Variants in KITLG observed in about 807,000 individuals in gnomAD.
The protein encoded by KITLG is KIT ligand, also known as c-Kit ligand.
A neutral mutation model predicts 34.1 loss-of-function variants in KITLG; 13 were observed. That is an observed-to-expected ratio of 0.38 (90% CI 0.25 to 0.61). The LOEUF (loss-of-function observed/expected upper bound fraction) is 0.61, where lower values mean the gene tolerates loss of function less well. Ranked by LOEUF, KITLG falls within the 20% of genes least tolerant of loss-of-function variation. The pLI is 0.60. For missense variants in KITLG, 292 were observed against 318.9 expected (o/e 0.92, Z 0.64); for synonymous variants, 110 against 104.0 (o/e 1.06, Z -0.35).
chr12:88,571,041 G>A (rs538720779), intron 1 of KITLG, among the ~76,000 whole-genome samples: 10 of 152,290 alleles, frequency 6.6e-5, no homozygotes, highest in Admixed American at 1.3e-4. Context: ...GTTTATGAGT[G>A]TCAAATAAGA....
In KITLG at chr12:88,506,199, A is replaced by T. The variant is rs578150773; in HGVS notation, c.782+112T>A. On this transcript the variant is annotated intron_variant, in intron 8 of 9. Transcript: ENST00000644744. ...TGGATAGAGTTGGGACTCACTGGTT[A>T]GGAGCTACTGTCATGAGTGAAGGAC... 7 of 772,570 alleles carry T rather than the reference A, an allele frequency of 9.1e-6. No individual in the cohort carries two copies. In the East Asian group the frequency reaches 1.7e-4, roughly 19 times the overall value. 47.9% of individuals were successfully genotyped at this position (772,570 alleles called of 1,614,324 possible). A position where few individuals can be genotyped will look rare whatever the true frequency, so the allele number is the denominator to read the frequency against.
Position 88,545,856 on chromosome 12 carries a change from G to A in KITLG, c.25C>T (p.Leu9Phe), listed in dbSNP as rs772482728. 8 of 1,602,770 alleles carry A rather than the reference G, an allele frequency of 5.0e-6. No individual in the cohort carries two copies. Among genetic ancestry groups the A allele is most frequent in the Non-Finnish European group, 6.8e-6 (8 of 1,169,936 alleles). The stretch of plus-strand genomic sequence containing the variant: ...AGCAGCTGAAGATAAATGCAAGTGA[G>A]AATCCAAGTCTAAATGAAAACAGAA... MKKTQTWI[L>F]TCIYLQLLLF... Residue 9 changes from leucine (L) to phenylalanine (F), a missense_variant, in exon 2 of 10, where the codon CTC becomes TTC. By Grantham distance (22) the Leu-to-Phe change is conservative. Around this residue, in one of 2 missense-constraint regions of KITLG, gnomAD observed 152 missense variants for 207.9 expected, o/e 0.73. Transcript: ENST00000644744.
intron 2 of KITLG, chr12:88,534,826 C>T: frequency 2.7e-6 from 1 of 371,258 alleles, no homozygotes; most frequent in Non-Finnish European, 5.2e-6. Flanking sequence ...AATCTTCATC[C>T]TCATCTTTGA....
At chr12:88,511,201 T>C (rs1228729944) in intron 6 of KITLG, among the ~76,000 whole-genome samples, 1 of 152,262 alleles carries the variant, frequency 6.6e-6, no homozygotes, top group East Asian at 1.9e-4. Context: ...CTTTTAAAAT[T>C]AGTAGGAAAG....
intron 1 of KITLG, among the ~76,000 whole-genome samples, chr12:88,576,400 A>G (rs1232783814): frequency 6.6e-6 from 1 of 152,176 alleles, no homozygotes; most frequent in Non-Finnish European, 1.5e-5. Flanking sequence ...TTTACCTGCA[A>G]TAAGTCAGTT....
At chr12:88,516,296 T>C (rs755454328) in intron 5 of KITLG, 38 bp downstream of exon 5, 2 of 1,579,086 alleles carry the variant, frequency 1.3e-6, no homozygotes, top group East Asian at 2.2e-5. Flanking sequence ...TTTAAGTTTG[T>C]TGTTTACATT....
intron 1 of KITLG, among the ~76,000 whole-genome samples, chr12:88,551,456 C>T (rs531959638): frequency 8.5e-5 from 13 of 152,306 alleles, no homozygotes; most frequent in African/African-American, 2.6e-4. Context: ...CTTTGCTTTT[C>T]TGTGACGGTT....
At chr12:88,571,273 C>A (rs907295801) in intron 1 of KITLG, among the ~76,000 whole-genome samples, 2 of 152,162 alleles carry the variant, frequency 1.3e-5, no homozygotes, top group Non-Finnish European at 2.9e-5. Flanking sequence ...GTTAGACAGT[C>A]TATCTCTTTT....
At position 88,493,300 on chromosome 12, in the gene KITLG, T is replaced by C. The variant is rs536484532; in HGVS notation, c.*3919A>G. On this transcript the variant is annotated 3_prime_UTR_variant, in exon 10 of 10. Transcript: ENST00000644744. ...AGGATGTAGTTGGAGATGGCAGTTA[T>C]AAATAAATTTACAATGCTTAGTAAA... 2.5e-4 allele frequency: 38 copies of C among 152,494 alleles called. No individual in the cohort carries two copies. The South Asian group carries it at 7.2e-3, about 29-fold the overall frequency. 9.4% of individuals were successfully genotyped at this position (152,494 alleles called of 1,614,324 possible). A position where few individuals can be genotyped will look rare whatever the true frequency, so the allele number is the denominator to read the frequency against.
chr12:88,567,628 C>G (rs1057097881), intron 1 of KITLG, among the ~76,000 whole-genome samples: 1 of 152,148 alleles, frequency 6.6e-6, no homozygotes, highest in Admixed American at 6.5e-5. Context: ...ACTGTTGATT[C>G]TATAAAGTTA....
chr12:88,526,229 A>G (rs1373282561), intron 3 of KITLG, among the ~76,000 whole-genome samples: 2 of 152,186 alleles, frequency 1.3e-5, no homozygotes, highest in African/African-American at 4.8e-5. Flanking sequence ...AACTCAATTA[A>G]AGCAGTAGAA....
chr12:88,513,425 C>A (rs1277183513), intron 6 of KITLG, among the ~76,000 whole-genome samples: 1 of 151,616 alleles, frequency 6.6e-6, no homozygotes, highest in Admixed American at 6.6e-5. Context: ...TAAAATCCAA[C>A]TATACCAATG....
chr12:88,550,974 C>T (rs1870894495), intron 1 of KITLG, among the ~76,000 whole-genome samples: 1 of 151,980 alleles, frequency 6.6e-6, no homozygotes, highest in Non-Finnish European at 1.5e-5. Flanking sequence ...ATTTTTTTTG[C>T]ATCAGTTAAA....
intron 1 of KITLG, among the ~76,000 whole-genome samples, chr12:88,576,143 GATA>G (rs1437778140): frequency 6.6e-6 from 1 of 152,076 alleles, no homozygotes; most frequent in African/African-American, 2.4e-5. Context: ...CAGCGATAAA[GATA>G]ATATTTCCAT....
intron 2 of KITLG, among the ~76,000 whole-genome samples, chr12:88,543,445 CT>C (rs568077138): frequency 2.0e-4 from 30 of 152,220 alleles, no homozygotes; most frequent in South Asian, 6.2e-4. Context: ...ATGAACTCAT[CT>C]TTTTTTATGG....
At chr12:88,497,528 T>C (rs575395232) in intron 9 of KITLG, among the ~76,000 whole-genome samples, 1 of 152,276 alleles carries the variant, frequency 6.6e-6, no homozygotes, top group Admixed American at 6.5e-5. Context: ...AGACACTCAA[T>C]AAATATTTCA....
chr12:88,530,086 T>C (rs1361462849), intron 3 of KITLG, among the ~76,000 whole-genome samples: 1 of 152,200 alleles, frequency 6.6e-6, no homozygotes, highest in Non-Finnish European at 1.5e-5. Flanking sequence ...TATTTAGTTG[T>C]TTTCAGTTTA....
At chr12:88,540,633 T>C (rs1870485212) in intron 2 of KITLG, among the ~76,000 whole-genome samples, 1 of 151,998 alleles carries the variant, frequency 6.6e-6, no homozygotes, top group Non-Finnish European at 1.5e-5. Context: ...GACCCACATC[T>C]CTACAAAAGA....
At chr12:88,574,065 C>CTTT (rs34585685) in intron 1 of KITLG, among the ~76,000 whole-genome samples, 1 of 148,062 alleles carries the variant, frequency 6.8e-6, no homozygotes, top group East Asian at 2.0e-4. Flanking sequence ...GCCATTGCTA[C>CTTT]TTTTTTTTTT....
Sources: allele counts gnomAD v4.1 joint callset (sites outside exome capture counted in the v4.1 genomes callset), GRCh38; gene constraint gnomAD v4.1.1; regional missense constraint gnomAD v4.1.1; transcripts MANE v1.5; gene names NCBI Gene and HGNC (gene_info 2026-07-23, HGNC 2026-07-21).